BCAS3: variants seen among roughly 807,000 people sequenced by gnomAD.
The protein encoded by BCAS3 is BCAS3 microtubule associated cell migration factor.
A neutral mutation model predicts 116.1 loss-of-function variants in BCAS3; 53 were observed. The observed-to-expected ratio is 0.46, with a 90% CI of 0.37 to 0.57. BCAS3 has a LOEUF of 0.57. Ranked by LOEUF, BCAS3 falls within the 20% of genes least tolerant of loss-of-function variation. The probability of loss-of-function intolerance (pLI) is 0.00; values close to 1 mark genes in which losing one functional copy is unlikely to be tolerated. For missense variants in BCAS3, 917 were observed against 1,165.4 expected, an observed-to-expected ratio of 0.79 and a Z score of 3.10; for synonymous variants, 391 against 408.2, an observed-to-expected ratio of 0.96 and a Z score of 0.51.
intron 19 of BCAS3, among the ~76,000 whole-genome samples, chr17:61,045,008 G>A (rs1052455417): frequency 3.9e-5 from 6 of 151,980 alleles, no homozygotes; most frequent in South Asian, 4.2e-4. Flanking sequence ...GATCCACCCC[G>A]TCTCTGCCTC....
At chr17:61,033,592 T>C (rs1205112665) in intron 16 of BCAS3, among the ~76,000 whole-genome samples, 1 of 152,050 alleles carries the variant, frequency 6.6e-6, no homozygotes, top group Non-Finnish European at 1.5e-5. Context: ...AAAACAAAAA[T>C]TGAGCAAAAT....
intron 22 of BCAS3, among the ~76,000 whole-genome samples, chr17:61,341,417 G>C (rs971301591): frequency 6.6e-6 from 1 of 152,264 alleles, no homozygotes; most frequent in South Asian, 2.1e-4. Context: ...GAGAGTGAGC[G>C]TATGGACACT....
chr17:61,383,646 C>G (rs943145715), intron 23 of BCAS3: 5 of 152,276 alleles, frequency 3.3e-5, no homozygotes, highest in Admixed American at 3.3e-4. Context: ...AGAGCACAGG[C>G]CTTTGCCTTT....
chr17:60,989,780 C>G (rs1276932257), intron 14 of BCAS3, among the ~76,000 whole-genome samples, 191 bp from the exon 15 acceptor site: 1 of 152,178 alleles, frequency 6.6e-6, no homozygotes, highest in Admixed American at 6.5e-5. Context: ...AAGTAACATT[C>G]TACCTAATGG....
In BCAS3 at chr17:61,181,900, G is replaced by T. The variant is rs1337408412; in HGVS notation, c.2425+97336G>T. Among the ~76,000 whole-genome samples, 1 of 150,948 alleles carries T rather than the reference G, an allele frequency of 6.6e-6. No individual in the cohort carries two copies. The highest frequency in any genetic ancestry group is 2.4e-5 in the African/African-American group (1 of 41,016). ...TTTTTTTTTTTAATCTTGAGACACG[G>T]TCTCACTCCGCTGCCCAGGCTGGAG... On this transcript the variant is annotated intron_variant, in intron 22 of 23. Coordinates refer to ENST00000407086, the MANE Select transcript of BCAS3 (RefSeq NM_017679.5). This position sits in a 1 kb window ranked among gnomAD's most constrained non-coding sequence, Gnocchi z 5.0.
chr17:61,301,318 A>C (rs1157046942), intron 22 of BCAS3, among the ~76,000 whole-genome samples: 5 of 152,190 alleles, frequency 3.3e-5, no homozygotes, highest in Admixed American at 6.5e-5. Context: ...TGTAAATTGC[A>C]ACAGTAGTAA....
chr17:61,096,528 G>T (rs1033155781), intron 22 of BCAS3, among the ~76,000 whole-genome samples: 3 of 152,178 alleles, frequency 2.0e-5, no homozygotes, highest in African/African-American at 7.2e-5. Context: ...CTGCACTCTA[G>T]CCTGGGTGAC....
chr17:61,389,699 T>A (rs1048339558), intron 23 of BCAS3: 3 of 152,288 alleles, frequency 2.0e-5, no homozygotes, highest in Non-Finnish European at 4.4e-5. Context: ...AGCAAGGCGC[T>A]CAGGTTGTCC....
At position 61,136,822 on chromosome 17, in the gene BCAS3, G is replaced by A. The variant is rs1200354343; in HGVS notation, c.2425+52258G>A. Among the ~76,000 whole-genome samples the A allele has an allele frequency of 6.6e-6, 1 of 152,118 alleles. No homozygotes were observed. ...GATCCACCCACCTCGGCCTCCCAAA[G>A]TCCTGAGATTACAGGTGTGAGCCAC... On this transcript the variant is annotated intron_variant, in intron 22 of 23. Transcript: ENST00000407086. The surrounding 1 kb of genome is among the most constrained non-coding windows in gnomAD (Gnocchi z 4.4).
At chr17:60,697,510 G>C (rs577015489) in intron 4 of BCAS3, among the ~76,000 whole-genome samples, 18 of 151,306 alleles carry the variant, frequency 1.2e-4, no homozygotes, top group African/African-American at 3.4e-4. Context: ...TTGAAGCCAG[G>C]AGGTGGAGGT....
intron 22 of BCAS3, among the ~76,000 whole-genome samples, chr17:61,110,484 A>G (rs939144230): frequency 6.6e-6 from 1 of 152,192 alleles, no homozygotes; most frequent in Non-Finnish European, 1.5e-5. Context: ...GGGGTGACGG[A>G]CGCACCTGGA....
rs114692219 is a variant in BCAS3, at chr17:61,342,531, C to T, written c.2426-25796C>T. Reference sequence around the variant, plus strand: ...AGTGTGGCAGTCCAGGACCTCCCAACGCCGAGCACATCCTCTCTCCTTCCT... The same window carrying T: ...AGTGTGGCAGTCCAGGACCTCCCAATGCCGAGCACATCCTCTCTCCTTCCT... On this transcript the variant is annotated intron_variant, in intron 22 of 23. Transcript: ENST00000407086. 8.5e-4 allele frequency among the ~76,000 whole-genome samples: 130 copies of T among 152,340 alleles called. 1 individual carries two copies. The highest frequency in any genetic ancestry group is 2.7e-3 in the African/African-American group (111 of 41,592).
intron 7 of BCAS3, among the ~76,000 whole-genome samples, chr17:60,846,937 C>G (rs547888050): frequency 2.0e-5 from 3 of 152,290 alleles, no homozygotes; most frequent in East Asian, 1.9e-4. Flanking sequence ...TTATTCACAT[C>G]GAAAGAAAGC....
intron 13 of BCAS3, among the ~76,000 whole-genome samples, chr17:60,925,102 A>G (rs1486944064): frequency 6.6e-6 from 1 of 150,818 alleles, no homozygotes; most frequent in East Asian, 1.9e-4. Context: ...TTAAAAAAAG[A>G]TAAAGACAGA....
chr17:60,911,444 C>T (rs544386844), intron 12 of BCAS3, among the ~76,000 whole-genome samples: 10 of 152,230 alleles, frequency 6.6e-5, no homozygotes, highest in African/African-American at 1.9e-4. Context: ...GATGTAGGTG[C>T]GTGCCTCCAT....
At chr17:61,129,210 C>A (rs546943470) in intron 22 of BCAS3, among the ~76,000 whole-genome samples, 23 of 152,284 alleles carry the variant, frequency 1.5e-4, no homozygotes, top group African/African-American at 5.3e-4. Context: ...AGGCAATTTT[C>A]TTTTCTCAAA....
At chr17:60,900,680 A>G (rs892577522) in intron 10 of BCAS3, among the ~76,000 whole-genome samples, 1 of 151,898 alleles carries the variant, frequency 6.6e-6, no homozygotes, top group African/African-American at 2.4e-5. Context: ...ATGATAACGT[A>G]TATATGCTCT....
At position 60,862,399 on chromosome 17, in the gene BCAS3, A is replaced by G. The variant is rs149215553; in HGVS notation, c.477-6177A>G. On this transcript the variant is annotated intron_variant, in intron 7 of 23. Coordinates refer to ENST00000407086, the MANE Select transcript of BCAS3 (RefSeq NM_017679.5). ...GTAGGATTGGTAGCAGCTTTTCTTT[A>G]TACATCTAGTAGAATTTGGCTGTGA... 7.2e-3 allele frequency among the ~76,000 whole-genome samples: 1,095 copies of G among 152,322 alleles called. 12 individuals carry two copies. Among genetic ancestry groups the G allele is most frequent in the African/African-American group, 0.024 (997 of 41,560 alleles).
chr17:60,978,337 T>A (rs1438577255), intron 14 of BCAS3, among the ~76,000 whole-genome samples: 1 of 149,788 alleles, frequency 6.7e-6, no homozygotes, highest in Non-Finnish European at 1.5e-5. Context: ...TTGCCCACTT[T>A]TTGATGGGGT....
Sources: gnomAD v4.1 joint callset for allele counts (sites outside exome capture counted in the v4.1 genomes callset) on GRCh38, gnomAD v4.1.1 for gene constraint, Gnocchi (gnomAD v3.1) non-coding constraint, MANE v1.5 for transcripts, NCBI Gene and HGNC (gene_info 2026-07-23, HGNC 2026-07-21) for gene names.